Variants in SLC35F3 observed in about 807,000 individuals in gnomAD.
The protein encoded by SLC35F3 is solute carrier family 35 member F3, also known as putative thiamine transporter SLC35F3.
In SLC35F3, 25 loss-of-function variants were observed where a neutral mutation model predicts 49.9. The observed-to-expected ratio is 0.50, with a 90% CI of 0.37 to 0.70. SLC35F3 has a LOEUF of 0.70. SLC35F3 is among the 30% of genes least tolerant of loss of function. SLC35F3 has a pLI of 0.00. For synonymous variants in SLC35F3, 275 were observed against 265.4 expected, an observed-to-expected ratio of 1.04 and a Z score of -0.35; for missense variants, 525 against 639.8, an observed-to-expected ratio of 0.82 and a Z score of 1.94.
intron 2 of SLC35F3, among the ~76,000 whole-genome samples, chr1:233,955,530 T>C (rs1228806458): frequency 1.3e-5 from 2 of 152,130 alleles, no homozygotes; most frequent in Non-Finnish European, 2.9e-5. Context: ...GGGCTTGGGA[T>C]CCAGAGGACA....
intron 2 of SLC35F3, among the ~76,000 whole-genome samples, chr1:234,113,985 C>T (rs1307884435): frequency 1.3e-5 from 2 of 152,228 alleles, no homozygotes; most frequent in East Asian, 3.8e-4. Flanking sequence ...AAGAGTTTAA[C>T]AATCGGCTCT....
intron 3 of SLC35F3, among the ~76,000 whole-genome samples, chr1:234,305,662 C>T (rs1450425433): frequency 3.3e-5 from 5 of 152,022 alleles, no homozygotes; most frequent in East Asian, 1.9e-4. Flanking sequence ...GGATTACAGG[C>T]GTGAGCCACC....
At chr1:234,091,784 C>T (rs1193459128) in intron 2 of SLC35F3, among the ~76,000 whole-genome samples, 1 of 152,208 alleles carries the variant, frequency 6.6e-6, no homozygotes, top group Non-Finnish European at 1.5e-5. Flanking sequence ...TTCTGCACCT[C>T]TCTGTGTCTA....
At chr1:234,106,112 A>G (rs1195489780) in intron 2 of SLC35F3, among the ~76,000 whole-genome samples, 2 of 152,228 alleles carry the variant, frequency 1.3e-5, no homozygotes, top group Non-Finnish European at 2.9e-5. Context: ...TCTGAAGGAC[A>G]TACTCCCGAA....
At chr1:234,082,432 G>T (rs899836017) in intron 2 of SLC35F3, among the ~76,000 whole-genome samples, 41 of 152,166 alleles carry the variant, frequency 2.7e-4, no homozygotes, top group Non-Finnish European at 5.9e-5. Context: ...GTGTGATAAA[G>T]AGTGTTTGCT....
At chr1:234,254,502 T>G (rs1189300895) in intron 3 of SLC35F3, among the ~76,000 whole-genome samples, 1 of 152,130 alleles carries the variant, frequency 6.6e-6, no homozygotes, top group Non-Finnish European at 1.5e-5. Flanking sequence ...AGCACAAACG[T>G]TATGAAGAAG....
chr1:234,127,053 C>T (rs1197611324), intron 2 of SLC35F3, among the ~76,000 whole-genome samples: 1 of 152,218 alleles, frequency 6.6e-6, no homozygotes, highest in African/African-American at 2.4e-5. Context: ...CAACATGCAA[C>T]TTTCTAGGCT....
At chr1:234,269,049 A>G (rs1276079174) in intron 3 of SLC35F3, among the ~76,000 whole-genome samples, 1 of 152,252 alleles carries the variant, frequency 6.6e-6, no homozygotes. Flanking sequence ...GGAAGGACTC[A>G]TGGAGTCTTC....
rs184918122 is a variant in SLC35F3 at position 234,308,043 on chromosome 1, C to T, written c.609-1058C>T. Reference sequence around the variant, plus strand: ...TGATCCTTCCCCCTAGACTCTAGAACGGCATCAAAAGACTTTCTTCTACAG... The same window carrying T: ...TGATCCTTCCCCCTAGACTCTAGAATGGCATCAAAAGACTTTCTTCTACAG... On this transcript the variant is annotated intron_variant, in intron 3 of 7. Transcript: ENST00000366618. Among the ~76,000 whole-genome samples the T allele has an allele frequency of 5.3e-5, 8 of 152,282 alleles. No individual in the cohort carries two copies. In the East Asian group the frequency reaches 7.7e-4, roughly 15 times the overall value.
rs199785164 is a variant in SLC35F3 at position 233,978,288 on chromosome 1, C to T, written c.283+72530C>T. On this transcript the variant is annotated intron_variant, in intron 2 of 7. Transcript: ENST00000366618. ...CACTATCAATCTACATTGTTCATGC[C>T]ACACTGAGGTTGTATGTGGAACCAC... 3.9e-5 allele frequency among the ~76,000 whole-genome samples: 6 copies of T among 152,334 alleles called. No individual in the cohort carries two copies. The East Asian group carries it at 9.6e-4, about 24-fold the overall frequency.
intron 2 of SLC35F3, among the ~76,000 whole-genome samples, chr1:234,018,259 A>G (rs1663835796): frequency 6.6e-6 from 1 of 152,188 alleles, no homozygotes; most frequent in Non-Finnish European, 1.5e-5. Flanking sequence ...CTAACATAAT[A>G]ATTTCTGGAA....
intron 2 of SLC35F3, among the ~76,000 whole-genome samples, chr1:233,926,172 GT>G (rs749829444): frequency 7.2e-5 from 11 of 152,090 alleles, no homozygotes; most frequent in Non-Finnish European, 1.6e-4. Context: ...GAATTTGAAT[GT>G]TGGCCTGCCT....
intron 3 of SLC35F3, among the ~76,000 whole-genome samples, chr1:234,262,299 C>T (rs961968827): frequency 1.3e-5 from 2 of 152,156 alleles, no homozygotes; most frequent in Non-Finnish European, 2.9e-5. Flanking sequence ...TGCATTTAGG[C>T]GAGATATTTC....
At chr1:234,244,726 AGTTT>A (rs1667606091) in intron 3 of SLC35F3, among the ~76,000 whole-genome samples, 2 of 152,136 alleles carry the variant, frequency 1.3e-5, no homozygotes, top group Admixed American at 1.3e-4. Context: ...ATCTTCAGGA[AGTTT>A]CAATTCCACA....
At chr1:233,943,774 T>C (rs917938127) in intron 2 of SLC35F3, among the ~76,000 whole-genome samples, 2 of 152,258 alleles carry the variant, frequency 1.3e-5, no homozygotes, top group African/African-American at 4.8e-5. Context: ...TGGAAAGTTA[T>C]TGGATAACAC....
intron 3 of SLC35F3, among the ~76,000 whole-genome samples, chr1:234,294,962 T>A (rs1220730401): frequency 1.3e-5 from 2 of 152,184 alleles, no homozygotes; most frequent in East Asian, 1.9e-4. Context: ...AGTAACTCCA[T>A]GAAGGAGACA....
intron 2 of SLC35F3, among the ~76,000 whole-genome samples, chr1:234,230,433 G>A (rs750463537): frequency 2.6e-5 from 4 of 152,220 alleles, no homozygotes; most frequent in African/African-American, 4.8e-5. Context: ...TAGCACTAAT[G>A]TGCCTCCATT....
intron 2 of SLC35F3, among the ~76,000 whole-genome samples, chr1:234,039,900 A>G (rs530117955): frequency 2.0e-5 from 3 of 152,184 alleles, no homozygotes; most frequent in Admixed American, 6.5e-5. Flanking sequence ...ATCCACAGAC[A>G]GCAATGTGTT....
At chr1:234,253,036 G>C (rs1360486305) in intron 3 of SLC35F3, among the ~76,000 whole-genome samples, 1 of 152,158 alleles carries the variant, frequency 6.6e-6, no homozygotes, top group Non-Finnish European at 1.5e-5. Context: ...GTAGAATGCT[G>C]TTCAGCTGGC....
Sources: allele counts gnomAD v4.1 joint callset (sites outside exome capture counted in the v4.1 genomes callset), GRCh38; gene constraint gnomAD v4.1.1; transcripts MANE v1.5; gene names NCBI Gene and HGNC (gene_info 2026-07-23, HGNC 2026-07-21).